The following AGAP1 variants were observed in gnomAD, a reference collection of about 807,000 sequenced individuals.
AGAP1 encodes the protein arf-GAP with GTPase, ANK repeat and PH domain-containing protein 1.
In AGAP1, 29 loss-of-function variants were observed where a neutral mutation model predicts 105.3. That is an observed-to-expected ratio of 0.28 (90% confidence interval 0.21 to 0.38). The LOEUF (loss-of-function observed/expected upper bound fraction) is 0.38. Among genes scored for constraint, AGAP1 ranks in the 10% least tolerant of loss-of-function variants. AGAP1 has a pLI of 1.00. For missense variants in AGAP1, 998 were observed against 1,165.1 expected (o/e 0.86, Z 2.09); for synonymous variants, 509 against 485.9 (o/e 1.05, Z -0.63).
At chr2:235,932,146 C>T (rs2052754616) in intron 12 of AGAP1, among the ~76,000 whole-genome samples, 1 of 152,214 alleles carries the variant, frequency 6.6e-6, no homozygotes, top group African/African-American at 2.4e-5. Context: ...TCTTTGTAAC[C>T]ACTGCATGCC....
At chr2:235,833,452 CT>C (rs1056487265) in intron 9 of AGAP1, among the ~76,000 whole-genome samples, 1 of 152,156 alleles carries the variant, frequency 6.6e-6, no homozygotes, top group African/African-American at 2.4e-5. Context: ...GTTTGCACCC[CT>C]GTTCAAGTTC....
intron 1 of AGAP1, among the ~76,000 whole-genome samples, chr2:235,673,991 T>G (rs185127479): frequency 1.3e-5 from 2 of 152,380 alleles, no homozygotes; most frequent in East Asian, 3.9e-4. Context: ...GAGTCTTATT[T>G]TAAAGCACAC....
In AGAP1 at chr2:236,050,314, G is replaced by A. The variant is rs2057858182; in HGVS notation, c.2114+1033G>A. Among the ~76,000 whole-genome samples, 1 of 152,222 alleles carries A rather than the reference G, an allele frequency of 6.6e-6. No individual in the cohort carries two copies. The highest frequency in any genetic ancestry group is 1.5e-5 in the Non-Finnish European group (1 of 68,032). ...GGTGCCACCTTTGGCTCACTGGAGA[G>A]AATGAAGCTGGTGTGTTACTCATCT... is the stretch of plus-strand genomic sequence containing the variant. On this transcript the variant is annotated intron_variant, in intron 16 of 17. Coordinates refer to ENST00000304032, the MANE Select transcript of AGAP1 (RefSeq NM_001037131.3). This position sits in a 1 kb window ranked among gnomAD's most constrained non-coding sequence, Gnocchi z 4.0.
chr2:235,811,637 G>T (rs1016436170), intron 9 of AGAP1, among the ~76,000 whole-genome samples: 2 of 152,224 alleles, frequency 1.3e-5, no homozygotes, highest in Admixed American at 1.3e-4. Flanking sequence ...GGGTTAGTCA[G>T]GAATGAGAAA....
chr2:236,035,184 G>A lies in AGAP1; in HGVS notation c.1646-1377G>A, dbSNP rs1050694509. Among the ~76,000 whole-genome samples the A allele has an allele frequency of 4.6e-5, 7 of 152,182 alleles. No individual in the cohort carries two copies. The highest frequency in any genetic ancestry group is 5.9e-5 in the Non-Finnish European group (4 of 68,024). ...TGAGCCAGCCCAATGGCCACGGGCT[G>A]GTGACAGAGATAAGTAAAGTGGTTG... is the stretch of plus-strand genomic sequence containing the variant. On this transcript the variant is annotated intron_variant, in intron 13 of 17. Coordinates refer to ENST00000304032, the MANE Select transcript of AGAP1 (RefSeq NM_001037131.3). The surrounding 1 kb of genome is among the most constrained non-coding windows in gnomAD (Gnocchi z 4.2).
intron 1 of AGAP1, among the ~76,000 whole-genome samples, chr2:235,543,383 A>AACTC (rs1188391513): frequency 6.6e-6 from 1 of 152,192 alleles, no homozygotes; most frequent in Admixed American, 6.5e-5. Context: ...AGAGAGTTGA[A>AACTC]TCAGAGCCTG....
chr2:235,670,846 C>CGCGCGGGCGGCGGCCGGGGCCG, intron 1 of AGAP1: 3 of 1,365,052 alleles, frequency 2.2e-6, no homozygotes, highest in Non-Finnish European at 2.8e-6. Context: ...GGCTGGAGCG[C>CGCGCGGGCGGCGGCCGGGGCCG]GCGCGGGCGG....
rs116726654 is a variant in AGAP1 at position 235,725,542 on chromosome 2, C to T, written c.310+7898C>T. Among the ~76,000 whole-genome samples, 2,275 of 150,996 alleles carry T rather than the reference C, an allele frequency of 0.015. 36 individuals are homozygous for T. Among genetic ancestry groups the T allele is most frequent in the Non-Finnish European group, 0.021 (1,408 of 67,880 alleles). On this transcript the variant is annotated intron_variant, in intron 3 of 17. Transcript: ENST00000304032. This position sits in a 1 kb window ranked among gnomAD's most constrained non-coding sequence, Gnocchi z 5.7. ...AAAAACACCTGTAATACTCCAGTAA[C>T]ATTTGACTAGTCGTGAAATCTAGCC... is the stretch of plus-strand genomic sequence containing the variant.
rs574231740 is a variant in AGAP1, at chr2:236,096,832, G to A, written c.2115-23360G>A. Among the ~76,000 whole-genome samples, 22 of 152,094 alleles carry A rather than the reference G, an allele frequency of 1.4e-4. No individual in the cohort carries two copies. In the South Asian group the frequency reaches 2.5e-3, roughly 17 times the overall value. On this transcript the variant is annotated intron_variant, in intron 16 of 17. Transcript: ENST00000304032. This position sits in a 1 kb window ranked among gnomAD's most constrained non-coding sequence, Gnocchi z 4.4. ...CTCCCAACCTCAAGTGATTCACCCCGGCCTCCCAAAGTGCTGGGATTACAG... is the reference window on the plus strand; with the variant it reads ...CTCCCAACCTCAAGTGATTCACCCCAGCCTCCCAAAGTGCTGGGATTACAG...
intron 9 of AGAP1, among the ~76,000 whole-genome samples, chr2:235,813,589 G>A (rs968818714): frequency 5.3e-5 from 8 of 152,250 alleles, no homozygotes; most frequent in Non-Finnish European, 1.0e-4. Context: ...AGTCAGGCGG[G>A]TTGTGGGGAG....
intron 1 of AGAP1, chr2:235,524,635 G>T (rs920932909): frequency 1.7e-5 from 3 of 173,934 alleles, no homozygotes; most frequent in African/African-American, 7.2e-5. Context: ...CATGCTTACC[G>T]CTGGAGAGGA....
chr2:235,523,848 G>A (rs374053831), intron 1 of AGAP1, among the ~76,000 whole-genome samples: 7 of 151,848 alleles, frequency 4.6e-5, no homozygotes, highest in Admixed American at 1.3e-4. Context: ...GGGGGACGGT[G>A]GTCTTGGATT....
chr2:235,513,118 A>G (rs1311969854), intron 1 of AGAP1, among the ~76,000 whole-genome samples: 1 of 152,082 alleles, frequency 6.6e-6, no homozygotes, highest in Non-Finnish European at 1.5e-5. Flanking sequence ...TGGCTTCTCT[A>G]GCTTTTTCTT....
intron 9 of AGAP1, among the ~76,000 whole-genome samples, chr2:235,847,176 T>A (rs62190888): frequency 0.15 from 22,213 of 152,226 alleles, 1,932 homozygotes; most frequent in South Asian, 0.23. Flanking sequence ...AATGGGTGCC[T>A]GTAAGAATGG....
At chr2:235,511,965 G>T (rs1942148966) in intron 1 of AGAP1, among the ~76,000 whole-genome samples, 1 of 148,158 alleles carries the variant, frequency 6.7e-6, no homozygotes, top group African/African-American at 2.5e-5. Context: ...TGTGTGTAAA[G>T]GTGATTGTGA....
intron 16 of AGAP1, among the ~76,000 whole-genome samples, chr2:236,111,506 A>G (rs2059640395): frequency 1.4e-5 from 1 of 70,728 alleles, no homozygotes; most frequent in African/African-American, 3.6e-5. Flanking sequence ...AAAAAAAAAA[A>G]GAGAGAGAAG....
chr2:235,915,104 G>A (rs1412438208), intron 11 of AGAP1, among the ~76,000 whole-genome samples: 1 of 152,110 alleles, frequency 6.6e-6, no homozygotes, highest in East Asian at 1.9e-4. Context: ...CAGTCATTAT[G>A]GGCCATACAC....
intron 1 of AGAP1, among the ~76,000 whole-genome samples, chr2:235,627,364 A>G (rs1433748085): frequency 6.6e-6 from 1 of 151,944 alleles, no homozygotes. Context: ...AGCTGGGATC[A>G]CAGGTGTGCA....
chr2:236,027,278 A>G lies in AGAP1; in HGVS notation c.1646-9283A>G, dbSNP rs920927650. ...AAAAATGAAGCCACCTAAAGACAGG[A>G]TCCTGGGAAACACATGGGCCTAGCA... is the stretch of plus-strand genomic sequence containing the variant. On this transcript the variant is annotated intron_variant, in intron 13 of 17. Coordinates refer to ENST00000304032, the MANE Select transcript of AGAP1 (RefSeq NM_001037131.3). The surrounding 1 kb of genome is among the most constrained non-coding windows in gnomAD (Gnocchi z 4.4). Among the ~76,000 whole-genome samples the G allele has an allele frequency of 6.6e-6, 1 of 152,076 alleles. No individual in the cohort carries two copies. Among genetic ancestry groups the G allele is most frequent in the African/African-American group, 2.4e-5 (1 of 41,414 alleles).
Sources: gnomAD v4.1 joint callset for allele counts (sites outside exome capture counted in the v4.1 genomes callset) on GRCh38, gnomAD v4.1.1 for gene constraint, Gnocchi (gnomAD v3.1) non-coding constraint, MANE v1.5 for transcripts, NCBI Gene and HGNC (gene_info 2026-07-23, HGNC 2026-07-21) for gene names.